CNTN5: variants seen among roughly 807,000 people sequenced by gnomAD.
The protein encoded by CNTN5 is contactin 5.
Under a neutral mutation model 129.1 loss-of-function variants are expected in CNTN5, and 77 were observed. That is an observed-to-expected ratio of 0.60 (90% CI 0.50 to 0.72). The LOEUF (loss-of-function observed/expected upper bound fraction) is 0.72. Among genes scored for constraint, CNTN5 ranks in the 30% least tolerant of loss-of-function variants. CNTN5 has a pLI of 0.00. For synonymous variants in CNTN5, 509 were observed against 465.6 expected (o/e 1.09, Z -1.20); for missense variants, 1,478 against 1,328.8 (o/e 1.11, Z -1.75).
intron 7 of CNTN5, among the ~76,000 whole-genome samples, chr11:99,925,300 G>A (rs1950035699): frequency 6.6e-6 from 1 of 152,150 alleles, no homozygotes; most frequent in African/African-American, 2.4e-5. Flanking sequence ...AGTATTTGCA[G>A]ACTAAACTTA....
intron 9 of CNTN5, among the ~76,000 whole-genome samples, chr11:100,009,696 A>G (rs1051763987): frequency 6.6e-6 from 1 of 152,166 alleles, no homozygotes; most frequent in African/African-American, 2.4e-5. Context: ...TCTTTGCCTG[A>G]ACTGCTGTAA....
At chr11:99,962,255 C>T (rs993740250) in intron 8 of CNTN5, among the ~76,000 whole-genome samples, 1 of 151,768 alleles carries the variant, frequency 6.6e-6, no homozygotes, top group African/African-American at 2.4e-5. Context: ...TGTGCTGCAC[C>T]CATTAACTCG....
At chr11:99,712,164 C>T (rs1472456033) in intron 3 of CNTN5, among the ~76,000 whole-genome samples, 2 of 151,900 alleles carry the variant, frequency 1.3e-5, no homozygotes, top group Middle Eastern at 3.4e-3. Flanking sequence ...CTTTAATGAT[C>T]GCCATTCTAA....
At chr11:99,878,073 A>G (rs1472153384) in intron 6 of CNTN5, among the ~76,000 whole-genome samples, 1 of 152,234 alleles carries the variant, frequency 6.6e-6, no homozygotes, top group East Asian at 1.9e-4. Context: ...TGTAGCATAC[A>G]TTATAACTGT....
intron 1 of CNTN5, among the ~76,000 whole-genome samples, chr11:99,080,007 T>C (rs1330574327): frequency 1.3e-5 from 2 of 152,318 alleles, no homozygotes; most frequent in East Asian, 1.9e-4. Flanking sequence ...ATGCTTTACA[T>C]TCCACATGTG....
intron 3 of CNTN5, among the ~76,000 whole-genome samples, chr11:99,770,244 T>TA (rs1428712157): frequency 9.9e-5 from 15 of 152,214 alleles, no homozygotes; most frequent in Admixed American, 2.6e-4. Context: ...ATTTAGTTTT[T>TA]AAAAAATATA....
chr11:99,604,947 G>C (rs1950389720), intron 3 of CNTN5, among the ~76,000 whole-genome samples: 1 of 17,498 alleles, frequency 5.7e-5, no homozygotes, highest in African/African-American at 2.5e-4. Flanking sequence ...CGCATTCAAA[G>C]CAGTATGTAG....
At chr11:99,589,486 T>C (rs1949910569) in intron 3 of CNTN5, among the ~76,000 whole-genome samples, 1 of 152,166 alleles carries the variant, frequency 6.6e-6, no homozygotes, top group Non-Finnish European at 1.5e-5. Flanking sequence ...ATTTAGAATA[T>C]GAAAACAGTA....
chr11:99,439,890 G>C (rs149979965), intron 2 of CNTN5, among the ~76,000 whole-genome samples: 1,702 of 152,092 alleles, frequency 0.011, 22 homozygotes, highest in Non-Finnish European at 0.018. Flanking sequence ...AGAGGAAATA[G>C]TATTTAAAAT....
intron 1 of CNTN5, among the ~76,000 whole-genome samples, chr11:99,100,698 C>T (rs918852339): frequency 1.3e-5 from 2 of 151,962 alleles, no homozygotes; most frequent in Non-Finnish European, 2.9e-5. Context: ...GCTATTTCTC[C>T]ATAATACGTT....
intron 3 of CNTN5, among the ~76,000 whole-genome samples, chr11:99,613,033 A>G (rs1452954439): frequency 6.6e-6 from 1 of 152,132 alleles, no homozygotes; most frequent in African/African-American, 2.4e-5. Context: ...TTGGAAGCCA[A>G]ATGGCAAAGT....
At position 99,264,972 on chromosome 11, in the gene CNTN5, T is replaced by G. The variant is rs182174218; in HGVS notation, c.-209-60374T>G. 4.3e-3 allele frequency among the ~76,000 whole-genome samples: 648 copies of G among 152,140 alleles called. 2 individuals carry two copies. Among genetic ancestry groups the G allele is most frequent in the Non-Finnish European group, 7.5e-3 (509 of 67,960 alleles). ...AATGTACTGAAGATCCTTAGATACT[T>G]TTATTGCAAAGATTGTTAATGTTAG... On this transcript the variant is annotated intron_variant, in intron 1 of 24. Transcript: ENST00000524871.
intron 4 of CNTN5, among the ~76,000 whole-genome samples, chr11:99,838,387 T>C: frequency 6.6e-6 from 1 of 152,330 alleles, no homozygotes; most frequent in South Asian, 2.1e-4. Context: ...CTATCTCTTA[T>C]TTTTTGTTTT....
chr11:99,154,886 C>G (rs532423889), intron 1 of CNTN5, among the ~76,000 whole-genome samples: 1 of 152,244 alleles, frequency 6.6e-6, no homozygotes, highest in South Asian at 2.1e-4. Context: ...GCTAAAGTCT[C>G]CTAAAGAAGC....
chr11:100,227,129 T>C (rs1274804966), intron 16 of CNTN5, among the ~76,000 whole-genome samples: 2 of 152,158 alleles, frequency 1.3e-5, no homozygotes, highest in East Asian at 3.8e-4. Context: ...CTTTGCTCAA[T>C]GTCTTCATCA....
At chr11:99,885,668 A>G (rs1023198655) in intron 6 of CNTN5, among the ~76,000 whole-genome samples, 1 of 152,208 alleles carries the variant, frequency 6.6e-6, no homozygotes, top group African/African-American at 2.4e-5. Context: ...AATACGCATC[A>G]CTGCACATAA....
intron 2 of CNTN5, among the ~76,000 whole-genome samples, chr11:99,524,811 AC>A (rs1429348427): frequency 6.6e-6 from 1 of 152,036 alleles, no homozygotes; most frequent in African/African-American, 2.4e-5. Flanking sequence ...TCAAAAAAAA[AC>A]AAAAAAAAAG....
At chr11:100,004,268 TA>T (rs1342471554) in intron 9 of CNTN5, among the ~76,000 whole-genome samples, 6 of 152,152 alleles carry the variant, frequency 3.9e-5, no homozygotes, top group Non-Finnish European at 7.4e-5. Context: ...TAGAGTGTTA[TA>T]ACCAAATTCT....
At chr11:99,279,773 C>A (rs925067114) in intron 1 of CNTN5, among the ~76,000 whole-genome samples, 1 of 151,522 alleles carries the variant, frequency 6.6e-6, no homozygotes. Context: ...TCAATCTCCA[C>A]GATAATATTG....
Sources: gnomAD v4.1 joint callset for allele counts (sites outside exome capture counted in the v4.1 genomes callset) on GRCh38, gnomAD v4.1.1 for gene constraint, MANE v1.5 for transcripts, NCBI Gene and HGNC (gene_info 2026-07-23, HGNC 2026-07-21) for gene names.